Variants in PHF21A observed in about 807,000 individuals in gnomAD.
The protein encoded by PHF21A is BHC80a.
Under a neutral mutation model 82.5 loss-of-function variants are expected in PHF21A, and 11 were observed. The observed-to-expected ratio is 0.13, with a 90% CI of 0.08 to 0.22. PHF21A has a LOEUF of 0.22. Ranked by LOEUF, PHF21A falls within the 10% of genes least tolerant of loss-of-function variation. The pLI is 1.00. For missense variants in PHF21A, 579 were observed against 837.8 expected, an observed-to-expected ratio of 0.69 and a Z score of 3.81; for synonymous variants, 297 against 302.8, an observed-to-expected ratio of 0.98 and a Z score of 0.20.
At chr11:45,973,261 A>G (rs866160020) in intron 7 of PHF21A, among the ~76,000 whole-genome samples, 2 of 152,188 alleles carry the variant, frequency 1.3e-5, no homozygotes, top group African/African-American at 4.8e-5. Flanking sequence ...AACATCACAG[A>G]AAGTTCTATC....
At chr11:45,978,941 G>T (rs1481771096) in intron 7 of PHF21A, among the ~76,000 whole-genome samples, 1 of 151,716 alleles carries the variant, frequency 6.6e-6, no homozygotes, top group Admixed American at 6.6e-5. Flanking sequence ...TCCCATCAGT[G>T]TATTAGAACA....
chr11:46,094,144 G>A (rs1282786176), intron 1 of PHF21A, among the ~76,000 whole-genome samples: 1 of 152,138 alleles, frequency 6.6e-6, no homozygotes, highest in African/African-American at 2.4e-5. Context: ...TACAGCATTT[G>A]AGAAAGTATT....
chr11:46,020,885 T>C (rs2095614947), intron 6 of PHF21A, among the ~76,000 whole-genome samples: 1 of 152,176 alleles, frequency 6.6e-6, no homozygotes, highest in Admixed American at 6.5e-5. Context: ...TAACTTATGA[T>C]GGGGTTATGT....
intron 6 of PHF21A, among the ~76,000 whole-genome samples, chr11:45,981,331 A>T (rs2094271718): frequency 7.0e-6 from 1 of 143,714 alleles, no homozygotes; most frequent in Non-Finnish European, 1.5e-5. Context: ...GGTTGCAGTG[A>T]GCCAAGATCA....
At chr11:46,048,237 T>G (rs2096285884) in intron 6 of PHF21A, among the ~76,000 whole-genome samples, 1 of 152,230 alleles carries the variant, frequency 6.6e-6, no homozygotes, top group South Asian at 2.1e-4. Flanking sequence ...AAACATTTTT[T>G]ATAAACAGAA....
intron 4 of PHF21A, chr11:46,083,537 T>C (rs1434487078): frequency 6.6e-6 from 1 of 152,198 alleles, no homozygotes; most frequent in Non-Finnish European, 1.5e-5. Context: ...TGCATCATCC[T>C]TTATCACTTT....
At chr11:46,076,662 T>A in intron 6 of PHF21A, 92 bp downstream of exon 6, 1 of 961,560 alleles carries the variant, frequency 1.0e-6, no homozygotes, top group Non-Finnish European at 1.6e-6. Context: ...TTTTCACACA[T>A]GAGGAAAAAT....
intron 11 of PHF21A, among the ~76,000 whole-genome samples, chr11:45,950,985 A>G (rs1396270162): frequency 1.3e-5 from 2 of 152,232 alleles, no homozygotes; most frequent in Non-Finnish European, 2.9e-5. Context: ...ATTATGGAGC[A>G]ATTTCTCTCT....
chr11:46,087,727 G>A (rs1438468851), intron 3 of PHF21A, among the ~76,000 whole-genome samples: 1 of 152,070 alleles, frequency 6.6e-6, no homozygotes, highest in Non-Finnish European at 1.5e-5. Flanking sequence ...ATGTTGCCCA[G>A]GCTGGTCACG....
At position 46,040,890 on chromosome 11, in the gene PHF21A, GACACACACACACAC is replaced by G. The variant is rs35673374; in HGVS notation, c.153+35850_153+35863del. 9.5e-5 allele frequency among the ~76,000 whole-genome samples: 13 copies of G among 137,318 alleles called. 1 individual carries two copies. The highest frequency in any genetic ancestry group is 2.2e-4 in the East Asian group (1 of 4,572). The allele number at this position is 137,318 out of a possible 152,430, so 90.1% of individuals were successfully genotyped here. On this transcript the variant is annotated intron_variant, in intron 6 of 18. Coordinates refer to ENST00000676320, the MANE Select transcript of PHF21A (RefSeq NM_001352027.3). ...ACCCTTAGAACTACACTGACAGGAA[GACACACACACACAC>G]ACACACACACACACACACACACACA...
At chr11:45,991,525 C>G (rs1448577495) in intron 6 of PHF21A, among the ~76,000 whole-genome samples, 1 of 152,106 alleles carries the variant, frequency 6.6e-6, no homozygotes, top group Non-Finnish European at 1.5e-5. Flanking sequence ...ATCTGGAGCC[C>G]TCACACCTGT....
chr11:46,117,796 C>T (rs1216535009), intron 1 of PHF21A: 2 of 152,208 alleles, frequency 1.3e-5, no homozygotes, highest in African/African-American at 4.8e-5. Context: ...TAATTCTAAA[C>T]AGTGCTCTGT....
At chr11:46,087,091 T>C (rs1309805649) in intron 3 of PHF21A, among the ~76,000 whole-genome samples, 3 of 152,362 alleles carry the variant, frequency 2.0e-5, no homozygotes, top group East Asian at 3.9e-4. Context: ...TGCTGATGGT[T>C]ATCTCTAGGT....
intron 1 of PHF21A, among the ~76,000 whole-genome samples, chr11:46,096,835 C>T (rs1366381097): frequency 6.6e-6 from 1 of 152,158 alleles, no homozygotes; most frequent in Non-Finnish European, 1.5e-5. Context: ...CAACTGCCCA[C>T]TCAACACTGG....
chr11:46,096,347 C>G (rs536460644), intron 1 of PHF21A, among the ~76,000 whole-genome samples: 1 of 151,930 alleles, frequency 6.6e-6, no homozygotes, highest in Admixed American at 6.6e-5. Flanking sequence ...CGTCTAGGCT[C>G]ACGTTTATAG....
intron 3 of PHF21A, among the ~76,000 whole-genome samples, chr11:46,087,834 C>T (rs1440580811): frequency 6.6e-6 from 1 of 152,196 alleles, no homozygotes; most frequent in Non-Finnish European, 1.5e-5. Context: ...CGGCTCACTG[C>T]AGCCTCAACT....
chr11:46,118,198 G>C (rs919699144), intron 1 of PHF21A: 2 of 152,092 alleles, frequency 1.3e-5, no homozygotes, highest in African/African-American at 4.8e-5. Flanking sequence ...ATACAATTTA[G>C]CCCAGGTAGG....
chr11:45,954,442 G>C (rs1334838341), intron 10 of PHF21A, among the ~76,000 whole-genome samples: 1 of 152,062 alleles, frequency 6.6e-6, no homozygotes, highest in Admixed American at 6.6e-5. Flanking sequence ...CCCTTACATG[G>C]AATATTAAAA....
chr11:46,012,339 T>C (rs1286086369), intron 6 of PHF21A, among the ~76,000 whole-genome samples: 1 of 152,206 alleles, frequency 6.6e-6, no homozygotes, highest in African/African-American at 2.4e-5. Context: ...CCCAGAAAGC[T>C]CCTTCTTAGA....
Sources: gnomAD v4.1 joint callset for allele counts (sites outside exome capture counted in the v4.1 genomes callset) on GRCh38, gnomAD v4.1.1 for gene constraint, MANE v1.5 for transcripts, NCBI Gene and HGNC (gene_info 2026-07-23, HGNC 2026-07-21) for gene names.